CALN1: variants seen among roughly 807,000 people sequenced by gnomAD.
CALN1 encodes calcium-binding protein 8.
CALN1 carries 17 observed loss-of-function variants against 30.6 expected under a neutral mutation model. The observed-to-expected ratio is 0.56, with a 90% CI of 0.38 to 0.83. The LOEUF is 0.83. Among genes scored for constraint, CALN1 ranks in the 40% least tolerant of loss-of-function variants. CALN1 has a pLI of 0.00. For synonymous variants in CALN1, 156 were observed against 131.4 expected (o/e 1.19, Z -1.28); for missense variants, 291 against 354.9 (o/e 0.82, Z 1.45).
chr7:72,094,211 A>C (rs1309167393), intron 4 of CALN1, among the ~76,000 whole-genome samples: 1 of 152,184 alleles, frequency 6.6e-6, no homozygotes, highest in African/African-American at 2.4e-5. Flanking sequence ...GTGTTAAATC[A>C]AAGAAGATAC....
chr7:72,419,549 T>C (rs777067354), intron 1 of CALN1, among the ~76,000 whole-genome samples: 37 of 152,172 alleles, frequency 2.4e-4, no homozygotes, highest in Non-Finnish European at 4.8e-4. Flanking sequence ...CTTCTCCCAG[T>C]TGGCCTTAGA....
chr7:72,072,141 A>G (rs944337132), intron 4 of CALN1, among the ~76,000 whole-genome samples: 4 of 152,226 alleles, frequency 2.6e-5, no homozygotes, highest in East Asian at 1.9e-4. Context: ...CAATCTGATG[A>G]AAGATATTAA....
chr7:72,010,868 A>C (rs1800036730), intron 5 of CALN1, among the ~76,000 whole-genome samples: 1 of 151,640 alleles, frequency 6.6e-6, no homozygotes. Context: ...AAGGAAAGGA[A>C]AATTAGCCAG....
chr7:72,169,833 G>A (rs1788811282), intron 3 of CALN1, among the ~76,000 whole-genome samples: 1 of 151,760 alleles, frequency 6.6e-6, no homozygotes, highest in South Asian at 2.1e-4. Context: ...TAGGATTACA[G>A]GTGCCCAGCA....
chr7:72,065,137 T>TGTTA (rs1803933224), intron 4 of CALN1, among the ~76,000 whole-genome samples: 2 of 148,304 alleles, frequency 1.3e-5, no homozygotes, highest in East Asian at 2.0e-4. Flanking sequence ...AATATATTTA[T>TGTTA]ATTTTAAAAT....
chr7:72,142,646 G>C (rs369481799), intron 3 of CALN1, among the ~76,000 whole-genome samples: 2 of 152,180 alleles, frequency 1.3e-5, no homozygotes, highest in African/African-American at 4.8e-5. Context: ...CCAGCACGGA[G>C]CTTGAGATCT....
chr7:72,305,140 A>T (rs569530635), intron 2 of CALN1, among the ~76,000 whole-genome samples: 3 of 152,190 alleles, frequency 2.0e-5, no homozygotes, highest in Non-Finnish European at 4.4e-5. Context: ...CAGCCAGGAC[A>T]GACATGTGCC....
At chr7:71,851,475 T>C (rs1028226533) in intron 5 of CALN1, among the ~76,000 whole-genome samples, 3 of 151,622 alleles carry the variant, frequency 2.0e-5, no homozygotes, top group Non-Finnish European at 2.9e-5. Context: ...GCTTTGATCA[T>C]GTCACTGCAC....
intron 2 of CALN1, among the ~76,000 whole-genome samples, chr7:72,393,857 C>G (rs540965056): frequency 5.3e-5 from 8 of 152,214 alleles, no homozygotes; most frequent in African/African-American, 1.9e-4. Context: ...CCAAGCAATC[C>G]CTCTGCCTCA....
chr7:71,956,963 G>A (rs1391866266), intron 5 of CALN1, among the ~76,000 whole-genome samples: 1 of 152,146 alleles, frequency 6.6e-6, no homozygotes, highest in Non-Finnish European at 1.5e-5. Context: ...CTCCCAAAGT[G>A]CTGGGATTAC....
chr7:72,154,414 A>G (rs1056018686), intron 3 of CALN1, among the ~76,000 whole-genome samples: 1 of 152,140 alleles, frequency 6.6e-6, no homozygotes, highest in African/African-American at 2.4e-5. Flanking sequence ...ATGCTTGATG[A>G]AAAGTCCTCA....
chr7:72,335,161 C>T (rs188475231), intron 2 of CALN1, among the ~76,000 whole-genome samples: 1 of 152,278 alleles, frequency 6.6e-6, no homozygotes, highest in Non-Finnish European at 1.5e-5. Context: ...ACACCTCCTC[C>T]CACCCCACAA....
chr7:72,351,469 G>C (rs1802912457), intron 2 of CALN1, among the ~76,000 whole-genome samples: 1 of 152,178 alleles, frequency 6.6e-6, no homozygotes, highest in Non-Finnish European at 1.5e-5. Flanking sequence ...TTAAAAGGTA[G>C]TTTACTGTTT....
chr7:72,410,788 C>T (rs953177794), intron 1 of CALN1, among the ~76,000 whole-genome samples: 4 of 151,458 alleles, frequency 2.6e-5, no homozygotes, highest in African/African-American at 7.3e-5. Context: ...CGTATCAGCT[C>T]ACGAGCCAGC....
At chr7:72,155,602 T>C (rs1447911827) in intron 3 of CALN1, among the ~76,000 whole-genome samples, 2 of 152,174 alleles carry the variant, frequency 1.3e-5, no homozygotes, top group Non-Finnish European at 2.9e-5. Context: ...AGAGCTTCAT[T>C]TGGAGTTCCA....
intron 2 of CALN1, among the ~76,000 whole-genome samples, chr7:72,375,019 T>G (rs760051412): frequency 5.3e-5 from 8 of 152,096 alleles, no homozygotes; most frequent in Admixed American, 1.3e-4. Flanking sequence ...TACAAAAACT[T>G]AAAAAATATA....
At chr7:72,193,712 AAAAGGTTCAGTAAAAATATTCT>A (rs1264964888) in intron 3 of CALN1, among the ~76,000 whole-genome samples, 2 of 152,236 alleles carry the variant, frequency 1.3e-5, no homozygotes, top group Non-Finnish European at 1.5e-5. Flanking sequence ...CTAAACATAT[AAAAGGTTCAGTAAAAATATTCT>A]ATCAGTCAAT....
chr7:72,374,995 T>G (rs964957026), intron 2 of CALN1, among the ~76,000 whole-genome samples: 2 of 152,008 alleles, frequency 1.3e-5, no homozygotes, highest in Non-Finnish European at 2.9e-5. Flanking sequence ...CAATAAAAAT[T>G]AGTTATTTAT....
chr7:71,833,063 C>T (rs1055151915), intron 5 of CALN1, among the ~76,000 whole-genome samples: 4 of 152,224 alleles, frequency 2.6e-5, no homozygotes, highest in Non-Finnish European at 5.9e-5. Flanking sequence ...GTCTGGAACA[C>T]CATTCTCTGA....
Sources: gnomAD v4.1 joint callset for allele counts (sites outside exome capture counted in the v4.1 genomes callset) on GRCh38, gnomAD v4.1.1 for gene constraint, MANE v1.5 for transcripts, NCBI Gene and HGNC (gene_info 2026-07-23, HGNC 2026-07-21) for gene names.